Variants in SNX29 observed in about 807,000 individuals in gnomAD.
SNX29 encodes sorting nexin 29.
In SNX29, 78 loss-of-function variants were observed where a neutral mutation model predicts 102.1. That is an observed-to-expected ratio of 0.76 (90% CI 0.64 to 0.92). The LOEUF (loss-of-function observed/expected upper bound fraction) is 0.92, where lower values mean the gene tolerates loss of function less well. Ranked by LOEUF, SNX29 falls within the 40% of genes least tolerant of loss-of-function variation. The pLI is 0.00. For missense variants in SNX29, 1,280 were observed against 1,061.7 expected (o/e 1.21, Z -2.86); for synonymous variants, 580 against 414.5 (o/e 1.40, Z -4.85).
chr16:12,226,341 G>A (rs1013194003), intron 14 of SNX29, among the ~76,000 whole-genome samples: 1 of 152,154 alleles, frequency 6.6e-6, no homozygotes, highest in Non-Finnish European at 1.5e-5. Flanking sequence ...ATTTTTTAAT[G>A]ACCCCCTGAA....
At chr16:12,138,270 C>T (rs530801610) in intron 13 of SNX29, among the ~76,000 whole-genome samples, 14 of 142,990 alleles carry the variant, frequency 9.8e-5, no homozygotes, top group South Asian at 2.2e-4. Context: ...TGCAGTGGTG[C>T]GATCTCGGCT....
chr16:12,521,575 A>AT (rs1222388944), intron 19 of SNX29, among the ~76,000 whole-genome samples: 4 of 152,202 alleles, frequency 2.6e-5, no homozygotes, highest in Non-Finnish European at 5.9e-5. Context: ...TTCCAAAAAA[A>AT]GAAAAATCTT....
At chr16:12,549,718 C>A (rs546806961) in intron 20 of SNX29, among the ~76,000 whole-genome samples, 1 of 152,224 alleles carries the variant, frequency 6.6e-6, no homozygotes, top group African/African-American at 2.4e-5. Context: ...CCAGGAGAGT[C>A]ACCCTACAAA....
intron 20 of SNX29, among the ~76,000 whole-genome samples, chr16:12,539,705 C>T (rs1013598109): frequency 1.3e-5 from 2 of 152,198 alleles, no homozygotes; most frequent in African/African-American, 2.4e-5. Context: ...GTCATACTGT[C>T]ATGATTCTTT....
In SNX29 at chr16:12,026,647, T is replaced by C. The variant is rs115007550; in HGVS notation, c.123-673T>C. Among the ~76,000 whole-genome samples, 1,036 of 152,330 alleles carry C rather than the reference T, an allele frequency of 6.8e-3. 15 individuals are homozygous for C. Among genetic ancestry groups the C allele is most frequent in the African/African-American group, 0.023 (974 of 41,578 alleles). On this transcript the variant is annotated intron_variant, in intron 3 of 20. Transcript: ENST00000566228. ...TAAATGCACAGTAATTGTAACTTAA[T>C]TGAAAATTCCATCAACTCACAATCT...
At chr16:12,173,030 C>T (rs536693012) in intron 13 of SNX29, among the ~76,000 whole-genome samples, 2 of 152,140 alleles carry the variant, frequency 1.3e-5, no homozygotes, top group Non-Finnish European at 2.9e-5. Context: ...ACCAGGTGGT[C>T]TCTGGTAGGT....
At chr16:12,335,649 C>T (rs935398125) in intron 15 of SNX29, among the ~76,000 whole-genome samples, 9 of 152,212 alleles carry the variant, frequency 5.9e-5, no homozygotes, top group African/African-American at 1.2e-4. Context: ...GCACTCCAGA[C>T]GGGGTGACGG....
chr16:12,417,836 G>C (rs2084705514), intron 18 of SNX29, among the ~76,000 whole-genome samples: 1 of 151,900 alleles, frequency 6.6e-6, no homozygotes, highest in Non-Finnish European at 1.5e-5. Context: ...ATAATTTCCT[G>C]CCTCTCCCTG....
At chr16:12,003,189 G>A (rs1596564661) in intron 3 of SNX29, 146 bp downstream of exon 3, 7 of 942,374 alleles carry the variant, frequency 7.4e-6, no homozygotes, top group Non-Finnish European at 1.2e-5. Context: ...GCCAAGAGGT[G>A]CAGCGCTGAA....
intron 15 of SNX29, among the ~76,000 whole-genome samples, chr16:12,321,499 ATTTC>A (rs1408235495): frequency 1.3e-5 from 2 of 152,078 alleles, no homozygotes; most frequent in African/African-American, 2.4e-5. Flanking sequence ...TGTCATAGCT[ATTTC>A]TTTCTTCCGT....
Position 12,568,825 on chromosome 16 carries a change from A to G in SNX29, c.*196A>G, listed in dbSNP as rs2079121870. The G allele has an allele frequency of 4.7e-6, 4 of 852,460 alleles. No homozygotes were observed. The highest frequency in any genetic ancestry group is 7.0e-6 in the Non-Finnish European group (4 of 571,332). 52.8% of individuals were successfully genotyped at this position (852,460 alleles called of 1,614,324 possible). A position where few individuals can be genotyped will look rare whatever the true frequency, so the allele number is the denominator to read the frequency against. ...GCCGCATGATACCGTGACCCGAGAG[A>G]CCAAGGCAGCACCTCGCTGGAGAGA... On this transcript the variant is annotated 3_prime_UTR_variant, in exon 21 of 21. Transcript: ENST00000566228.
intron 18 of SNX29, among the ~76,000 whole-genome samples, chr16:12,413,961 A>T (rs1454488800): frequency 6.6e-6 from 1 of 152,224 alleles, no homozygotes; most frequent in East Asian, 1.9e-4. Flanking sequence ...CCTCATATAA[A>T]ATGCCATAGT....
chr16:12,033,469 T>G (rs926660986), intron 4 of SNX29, among the ~76,000 whole-genome samples: 3 of 152,166 alleles, frequency 2.0e-5, no homozygotes, highest in Non-Finnish European at 2.9e-5. Flanking sequence ...GGTTTTGTTC[T>G]CTTCTCTTCT....
chr16:11,990,134 G>A (rs1190789820), intron 1 of SNX29, among the ~76,000 whole-genome samples: 7 of 152,250 alleles, frequency 4.6e-5, no homozygotes, highest in Non-Finnish European at 7.3e-5. Context: ...AGGGTTAAAC[G>A]TATGTCTCAG....
intron 15 of SNX29, among the ~76,000 whole-genome samples, chr16:12,354,773 G>C (rs8053492): frequency 0.12 from 17,558 of 152,116 alleles, 2,317 homozygotes; most frequent in African/African-American, 0.33. Flanking sequence ...GCCCAAAGAC[G>C]ATCGACTCAA....
chr16:12,201,869 G>C (rs970417920), intron 14 of SNX29, among the ~76,000 whole-genome samples: 5 of 152,282 alleles, frequency 3.3e-5, no homozygotes, highest in African/African-American at 1.2e-4. Flanking sequence ...GCTACACAAT[G>C]CATTTCTAAG....
intron 15 of SNX29, among the ~76,000 whole-genome samples, chr16:12,352,422 T>C (rs998922919): frequency 6.6e-6 from 1 of 152,024 alleles, no homozygotes; most frequent in Non-Finnish European, 1.5e-5. Context: ...TGCTAAATGA[T>C]GAGTTAATGG....
chr16:12,438,562 T>C (rs566203695), intron 18 of SNX29, among the ~76,000 whole-genome samples: 4 of 152,308 alleles, frequency 2.6e-5, no homozygotes, highest in East Asian at 1.9e-4. Flanking sequence ...CAGACCAGCA[T>C]TGAGGCTGCG....
At chr16:12,494,964 G>T (rs141143098) in intron 19 of SNX29, among the ~76,000 whole-genome samples, 1 of 152,138 alleles carries the variant, frequency 6.6e-6, no homozygotes, top group Non-Finnish European at 1.5e-5. Flanking sequence ...GACTGCCTGC[G>T]CATTCTCATT....
Sources: gnomAD v4.1 joint callset for allele counts (sites outside exome capture counted in the v4.1 genomes callset) on GRCh38, gnomAD v4.1.1 for gene constraint, MANE v1.5 for transcripts, NCBI Gene and HGNC (gene_info 2026-07-23, HGNC 2026-07-21) for gene names.